The following GALK2 variants were observed in gnomAD, a reference collection of about 807,000 sequenced individuals.
GALK2 encodes galactokinase 2.
In GALK2, 36 loss-of-function variants were observed where a neutral mutation model predicts 52.4. That is an observed-to-expected ratio of 0.69 (90% CI 0.53 to 0.91). The LOEUF (loss-of-function observed/expected upper bound fraction) is 0.91, where lower values mean the gene tolerates loss of function less well. GALK2 is among the 40% of genes least tolerant of loss of function. GALK2 has a pLI of 0.00. For missense variants in GALK2, 579 were observed against 559.1 expected (o/e 1.04, Z -0.36); for synonymous variants, 176 against 199.1 (o/e 0.88, Z 0.98).
At chr15:49,240,020 C>T (rs1718927189) in intron 5 of GALK2, among the ~76,000 whole-genome samples, 1 of 152,126 alleles carries the variant, frequency 6.6e-6, no homozygotes, top group Non-Finnish European at 1.5e-5. Context: ...ACCAGGTTTA[C>T]GGATGGTTTG....
intron 2 of GALK2, among the ~76,000 whole-genome samples, chr15:49,214,184 A>G (rs1218573379): frequency 6.6e-6 from 1 of 152,120 alleles, no homozygotes; most frequent in Non-Finnish European, 1.5e-5. Context: ...TTTTGTGGTT[A>G]CTGTGAGGCT....
chr15:49,254,749 T>C lies in GALK2; in HGVS notation c.504+15382T>C, dbSNP rs1283819229. ...TGTGTTAATGCAGGGTGCTTTTATA[T>C]TTAGAAGTTTTCATTGATTTTCTTC... is the stretch of plus-strand genomic sequence containing the variant. On this transcript the variant is annotated intron_variant, in intron 5 of 9. Transcript: ENST00000560031. Among the ~76,000 whole-genome samples the C allele has an allele frequency of 3.5e-5, 5 of 144,112 alleles. 1 individual carries two copies. The highest frequency in any genetic ancestry group is 7.8e-5 in the Non-Finnish European group (5 of 64,116). The allele number at this position is 144,112 out of a possible 152,430, so 94.5% of individuals were successfully genotyped here.
At chr15:49,270,909 G>T (rs2030450358) in intron 5 of GALK2, among the ~76,000 whole-genome samples, 1 of 152,176 alleles carries the variant, frequency 6.6e-6, no homozygotes, top group East Asian at 1.9e-4. Context: ...GTCCAGATTG[G>T]TTTACCACTA....
At chr15:49,266,349 A>T (rs1049159636) in intron 5 of GALK2, among the ~76,000 whole-genome samples, 1 of 152,142 alleles carries the variant, frequency 6.6e-6, no homozygotes, top group Non-Finnish European at 1.5e-5. Flanking sequence ...TGATGGGTGG[A>T]ACTGCAAAGT....
rs750159008 is a variant in GALK2 at position 49,292,329 on chromosome 15, C to T, written c.759C>T (p.Leu253=). 2 of 1,613,500 alleles carry T rather than the reference C, an allele frequency of 1.2e-6. No individual in the cohort carries two copies. The highest frequency in any genetic ancestry group is 1.1e-5 in the South Asian group (1 of 90,958). Residue 253 remains leucine (L), a splice_region_variant and synonymous_variant, in exon 8 of 10, where the codon CTC becomes CTT. Coordinates refer to ENST00000560031, the MANE Select transcript of GALK2 (RefSeq NM_002044.4). ...ATTATCTTGATTTGAATTTGCAGCT[C>T]CTGGCTAAATACAAAAGCTTGCAAT... ...RVMECRLAAK[L]LAKYKSLQWD...
At chr15:49,239,470 C>A in intron 5 of GALK2, 103 bp downstream of exon 5, 1 of 1,068,832 alleles carries the variant, frequency 9.4e-7, no homozygotes, top group Non-Finnish European at 1.4e-6. Flanking sequence ...ACTGTCTTCT[C>A]TAAAAGGACT....
At chr15:49,164,168 C>G (rs1294304558) in intron 1 of GALK2, among the ~76,000 whole-genome samples, 2 of 152,242 alleles carry the variant, frequency 1.3e-5, no homozygotes, top group Admixed American at 6.5e-5. Flanking sequence ...TATCTTTCAT[C>G]TCTATAGTTG....
chr15:49,210,010 A>G (rs2088686751), intron 2 of GALK2, among the ~76,000 whole-genome samples: 1 of 152,126 alleles, frequency 6.6e-6, no homozygotes, highest in Non-Finnish European at 1.5e-5. Context: ...CAATCTTGTT[A>G]CTTGTTATTG....
chr15:49,178,313 A>ATAT (rs1309378424), intron 1 of GALK2: 2 of 132,068 alleles, frequency 1.5e-5, no homozygotes, highest in Non-Finnish European at 3.4e-5. Flanking sequence ...ATATGTATGC[A>ATAT]CATATATGTA....
At chr15:49,266,415 C>T (rs541662612) in intron 5 of GALK2, among the ~76,000 whole-genome samples, 5 of 152,222 alleles carry the variant, frequency 3.3e-5, no homozygotes, top group African/African-American at 1.2e-4. Context: ...ATTTTGCAGT[C>T]TAATATAATG....
intron 1 of GALK2, chr15:49,178,861 A>G (rs1436426615): frequency 6.2e-6 from 1 of 160,056 alleles, no homozygotes; most frequent in Non-Finnish European, 1.4e-5. Context: ...GTTGTGCCTC[A>G]TGGGTTTTGA....
intron 3 of GALK2, among the ~76,000 whole-genome samples, chr15:49,337,984 T>C (rs2040050650): frequency 6.6e-6 from 1 of 152,234 alleles, no homozygotes; most frequent in Non-Finnish European, 1.5e-5. Context: ...TGTGTCTTTA[T>C]AGTAGAATGA....
At chr15:49,289,197 C>T (rs2033683764) in intron 7 of GALK2, among the ~76,000 whole-genome samples, 1 of 152,180 alleles carries the variant, frequency 6.6e-6, no homozygotes, top group South Asian at 2.1e-4. Flanking sequence ...GTGCCTTACT[C>T]ACTGCTGTCT....
chr15:49,232,901 G>T (rs557275588), intron 3 of GALK2, among the ~76,000 whole-genome samples: 1 of 152,148 alleles, frequency 6.6e-6, no homozygotes, highest in Non-Finnish European at 1.5e-5. Flanking sequence ...CAAAGCAACC[G>T]TTCAACAAGT....
rs1053524985 is a variant in GALK2, at chr15:49,156,873, T to C, written c.20+857T>C. 7 of 599,294 alleles carry C rather than the reference T, an allele frequency of 1.2e-5. 1 individual carries two copies. Among genetic ancestry groups the C allele is most frequent in the Non-Finnish European group, 2.0e-5 (7 of 354,710 alleles). The allele number at this position is 599,294 out of a possible 1,614,324, so 37.1% of individuals were successfully genotyped here. A position where few individuals can be genotyped will look rare whatever the true frequency, so the allele number is the denominator to read the frequency against. On this transcript the variant is annotated intron_variant, in intron 1 of 9. Transcript: ENST00000327171. ...TGAAGAAAATCACAAAAATTTCCTA[T>C]GTGTACTCCTCATCCCTCATCCTGT...
chr15:49,241,379 G>A (rs1207636361), intron 5 of GALK2, among the ~76,000 whole-genome samples: 1 of 152,202 alleles, frequency 6.6e-6, no homozygotes, highest in Non-Finnish European at 1.5e-5. Flanking sequence ...AATGGGCATA[G>A]GAAGGGATGT....
Position 49,319,647 on chromosome 15 carries a change from CG to C in GALK2, c.1012del (p.Glu338ArgfsTer26). 1 of 1,614,120 alleles carries C rather than the reference CG, an allele frequency of 6.2e-7. No homozygotes were observed. Among genetic ancestry groups the C allele is most frequent in the Admixed American group, 1.7e-5 (1 of 60,022 alleles). On this transcript the variant is annotated frameshift_variant, in exon 9 of 10. Coordinates refer to ENST00000560031, the MANE Select transcript of GALK2 (RefSeq NM_002044.4). LOFTEE classifies it high-confidence loss of function. ...ATCAGCGGGCAAAGCATGTGTACAGCGAGGCTGCGCGAGTGCTCCAGTTTAA... is the reference window on the plus strand; with the variant it reads ...ATCAGCGGGCAAAGCATGTGTACAGCAGGCTGCGCGAGTGCTCCAGTTTAA... ...LYQRAKHVYS[E>X]AARVLQFKKI...
chr15:49,265,452 C>T (rs1001677740), intron 5 of GALK2, among the ~76,000 whole-genome samples: 3 of 152,182 alleles, frequency 2.0e-5, no homozygotes, highest in African/African-American at 2.4e-5. Flanking sequence ...GGGAGTGATG[C>T]GATTTTCCAG....
chr15:49,316,334 G>C (rs546097561), intron 8 of GALK2, among the ~76,000 whole-genome samples: 1 of 83,146 alleles, frequency 1.2e-5, no homozygotes, highest in South Asian at 4.1e-4. Context: ...GCTGTGGAGG[G>C]GAAAAATGAA....
Sources: gnomAD v4.1 joint callset for allele counts (sites outside exome capture counted in the v4.1 genomes callset) on GRCh38, gnomAD v4.1.1 for gene constraint, MANE v1.5 for transcripts, NCBI Gene and HGNC (gene_info 2026-07-23, HGNC 2026-07-21) for gene names.